Variants in KCNU1 observed in about 807,000 individuals in gnomAD.
KCNU1 encodes the protein potassium channel subfamily U member 1.
KCNU1 carries 93 observed loss-of-function variants against 126.8 expected under a neutral mutation model. That is an observed-to-expected ratio of 0.73 (90% CI 0.62 to 0.87). KCNU1 has a LOEUF of 0.87. Ranked by LOEUF, KCNU1 falls within the 40% of genes least tolerant of loss-of-function variation. The pLI, the probability that KCNU1 is intolerant of heterozygous loss-of-function variation, is 0.00. For synonymous variants in KCNU1, 523 were observed against 494.2 expected (o/e 1.06, Z -0.77); for missense variants, 1,330 against 1,367.1 (o/e 0.97, Z 0.43).
chr8:36,810,406 T>C (rs2130441098), intron 7 of KCNU1, among the ~76,000 whole-genome samples: 1 of 152,032 alleles, frequency 6.6e-6, no homozygotes, highest in African/African-American at 2.4e-5. Flanking sequence ...GGACATCTGG[T>C]CTCCCAGGAA....
chr8:36,925,353 C>T (rs1049887486), intron 24 of KCNU1, among the ~76,000 whole-genome samples: 28 of 152,186 alleles, frequency 1.8e-4, no homozygotes, highest in Middle Eastern at 6.8e-3. Flanking sequence ...GGGAAGAAAG[C>T]GTCTTCTATG....
In KCNU1 at chr8:36,906,979, A is replaced by G. The variant is rs145594525; in HGVS notation, c.2106+1175A>G. Among the ~76,000 whole-genome samples the G allele has an allele frequency of 2.7e-3, 417 of 152,280 alleles. 4 individuals are homozygous for G. Among genetic ancestry groups the G allele is most frequent in the African/African-American group, 9.7e-3 (404 of 41,578 alleles). On this transcript the variant is annotated intron_variant, in intron 20 of 26. Transcript: ENST00000399881. ...AGATTGAGACATTTGAGACCAAACG[A>G]TGGAAATAGCAGAAGTTTTATTAGA...
rs192418925 is a variant in KCNU1 at position 36,920,091 on chromosome 8, A to G, written c.2596+1194A>G. 4.6e-5 allele frequency among the ~76,000 whole-genome samples: 7 copies of G among 152,178 alleles called. No individual in the cohort carries two copies. The East Asian group carries it at 5.8e-4, about 13-fold the overall frequency. ...AAGCTGTCTGCTGCAGTTTTTAATT[A>G]TATTTTACTTTTTTCCTCCCCTTTG... On this transcript the variant is annotated intron_variant, in intron 23 of 26. Coordinates refer to ENST00000399881, the MANE Select transcript of KCNU1 (RefSeq NM_001031836.3).
intron 18 of KCNU1, among the ~76,000 whole-genome samples, chr8:36,862,995 G>C (rs541552188): frequency 6.6e-6 from 1 of 152,180 alleles, no homozygotes; most frequent in South Asian, 2.1e-4. Context: ...CTTGAAATAA[G>C]GAAGCATCAG....
At chr8:36,824,302 G>A (rs940137590) in intron 10 of KCNU1, among the ~76,000 whole-genome samples, 4 of 152,110 alleles carry the variant, frequency 2.6e-5, no homozygotes, top group East Asian at 1.9e-4. Flanking sequence ...ATGGTCAGTC[G>A]TGTTCTAAAA....
chr8:36,846,801 A>C (rs1191441502), intron 18 of KCNU1, among the ~76,000 whole-genome samples: 1 of 151,938 alleles, frequency 6.6e-6, no homozygotes, highest in Non-Finnish European at 1.5e-5. Context: ...AAAAAAAAAA[A>C]AAAAACTTAG....
chr8:36,822,250 C>G (rs1288881368), intron 10 of KCNU1, among the ~76,000 whole-genome samples: 1 of 151,990 alleles, frequency 6.6e-6, no homozygotes, highest in Non-Finnish European at 1.5e-5. Context: ...ATATATGTAT[C>G]AAACATATAT....
chr8:36,888,505 C>G (rs755348692), intron 19 of KCNU1: 1 of 525,350 alleles, frequency 1.9e-6, no homozygotes, highest in East Asian at 5.5e-5. Context: ...ACCTCATCAG[C>G]CACAATGAGA....
At chr8:36,865,201 A>C (rs2117340320) in intron 19 of KCNU1, among the ~76,000 whole-genome samples, 1 of 152,222 alleles carries the variant, frequency 6.6e-6, no homozygotes, top group East Asian at 1.9e-4. Context: ...GCATTACATA[A>C]TGTTATAAAT....
At chr8:36,918,181 T>C (rs1425186603) in intron 22 of KCNU1, among the ~76,000 whole-genome samples, 1 of 152,190 alleles carries the variant, frequency 6.6e-6, no homozygotes, top group Non-Finnish European at 1.5e-5. Flanking sequence ...ATCTTAATTG[T>C]GACATCAATA....
chr8:36,817,325 T>A (rs1005976296), intron 9 of KCNU1, among the ~76,000 whole-genome samples: 8 of 151,118 alleles, frequency 5.3e-5, no homozygotes, highest in African/African-American at 1.9e-4. Context: ...CATGGAGAAA[T>A]CCCATCTACT....
intron 15 of KCNU1, 80 bp downstream of exon 15, chr8:36,840,655 C>A: frequency 3.6e-6 from 3 of 835,582 alleles, no homozygotes; most frequent in South Asian, 1.5e-5. Flanking sequence ...CCACTATAGG[C>A]CAGGCTTCAT....
Position 36,834,813 on chromosome 8 carries a change from A to G in KCNU1, c.1240A>G (p.Ile414Val), listed in dbSNP as rs756322417. ...GGAATCTGCAGAGGCATGCCTGATT[A>G]TAGCCAATCCTTTGTGCAGTGATTC... The part of the protein sequence containing the change: ...AVESAEACLI[I>V]ANPLCSDSHA... Residue 414 changes from isoleucine to valine, a missense_variant, in exon 12 of 27, where the codon ATA becomes GTA. By Grantham distance (29) the Ile-to-Val change is conservative. This residue lies in a region of KCNU1 where 1,054 missense variants were observed against 1,053.9 expected (regional missense o/e 1.00). Transcript: ENST00000399881. 5.0e-6 allele frequency: 8 copies of G among 1,612,112 alleles called. No homozygotes were observed. In the African/African-American group the frequency reaches 1.1e-4, roughly 22 times the overall value.
At chr8:36,838,037 G>A (rs1285368728) in intron 14 of KCNU1, among the ~76,000 whole-genome samples, 3 of 152,142 alleles carry the variant, frequency 2.0e-5, no homozygotes, top group East Asian at 1.9e-4. Flanking sequence ...TGCAACAAAC[G>A]GAATGCTTCT....
Position 36,911,136 on chromosome 8 carries a change from TGAAAAGAA to T in KCNU1, c.2521+22_2521+29del. 2 of 1,571,922 alleles carry T rather than the reference TGAAAAGAA, an allele frequency of 1.3e-6. No homozygotes were observed. Among genetic ancestry groups the T allele is most frequent in the Non-Finnish European group, 1.7e-6 (2 of 1,152,110 alleles). On this transcript the variant is annotated intron_variant, in intron 22 of 26. Transcript: ENST00000399881. ...CAGTGTCAGGTGAGAACAGCACCCC[TGAAAAGAA>T]GAAACTAGGACGTATGGAAAAAAAG...
intron 19 of KCNU1, among the ~76,000 whole-genome samples, chr8:36,899,530 G>GT (rs1563323758): frequency 6.6e-6 from 1 of 152,080 alleles, no homozygotes; most frequent in Non-Finnish European, 1.5e-5. Flanking sequence ...ATTTACAGAT[G>GT]TTTTTTAAAT....
chr8:36,856,755 T>G (rs1278138449), intron 18 of KCNU1, among the ~76,000 whole-genome samples: 1 of 152,192 alleles, frequency 6.6e-6, no homozygotes, highest in Non-Finnish European at 1.5e-5. Flanking sequence ...TTTGGGCCCC[T>G]TTGTAAGAGT....
intron 24 of KCNU1, among the ~76,000 whole-genome samples, chr8:36,924,692 T>A (rs761765976): frequency 1.5e-4 from 23 of 152,182 alleles, no homozygotes; most frequent in Non-Finnish European, 2.5e-4. Flanking sequence ...TGTCTGTCAC[T>A]GATATGTCAA....
At chr8:36,805,325 C>T (rs1449184018) in intron 4 of KCNU1, 40 bp downstream of exon 4, 3 of 1,195,302 alleles carry the variant, frequency 2.5e-6, no homozygotes, top group Admixed American at 3.9e-5. Flanking sequence ...ATCCAAACAC[C>T]ACAGGCACAA....
Sources: gnomAD v4.1 joint callset for allele counts (sites outside exome capture counted in the v4.1 genomes callset) on GRCh38, gnomAD v4.1.1 for gene constraint, gnomAD v4.1.1 regional missense constraint, MANE v1.5 for transcripts, NCBI Gene and HGNC (gene_info 2026-07-23, HGNC 2026-07-21) for gene names.